The following LARS1 variants were observed in gnomAD, a reference collection of about 807,000 sequenced individuals.
The protein encoded by LARS1 is leucyl-tRNA synthetase 1, also known as leucine--tRNA ligase, cytoplasmic.
LARS1 carries 100 observed loss-of-function variants against 162.8 expected under a neutral mutation model. That is an observed-to-expected ratio of 0.61 (90% confidence interval 0.52 to 0.73). The LOEUF is 0.73. Among genes scored for constraint, LARS1 ranks in the 30% least tolerant of loss-of-function variants. The probability of loss-of-function intolerance (pLI) is 0.00; values close to 1 mark genes in which losing one functional copy is unlikely to be tolerated. For missense variants in LARS1, 1,258 were observed against 1,408.9 expected (o/e 0.89, Z 1.71); for synonymous variants, 457 against 462.8 (o/e 0.99, Z 0.16).
At chr5:146,161,444 G>C (rs1236055692) in intron 6 of LARS1, among the ~76,000 whole-genome samples, 2 of 152,118 alleles carry the variant, frequency 1.3e-5, no homozygotes, top group Non-Finnish European at 2.9e-5. Flanking sequence ...AAAACTGGGA[G>C]TGGGCCGGGC....
At chr5:146,174,587 CAT>C (rs58220245) in intron 2 of LARS1, among the ~76,000 whole-genome samples, 13,996 of 23,288 alleles carry the variant, frequency 0.6, 4,923 homozygotes, top group East Asian at 0.77. Flanking sequence ...TGTATATATC[CAT>C]ATATATATAT....
chr5:146,156,509 C>A (rs1253625928), intron 10 of LARS1, among the ~76,000 whole-genome samples: 1 of 152,004 alleles, frequency 6.6e-6, no homozygotes, highest in Non-Finnish European at 1.5e-5. Context: ...GCCTGGCCAA[C>A]ATGATGAAAC....
intron 23 of LARS1, 77 bp downstream of exon 23, chr5:146,132,821 A>T: frequency 1.3e-5 from 14 of 1,098,854 alleles, no homozygotes; most frequent in Non-Finnish European, 1.7e-5. Flanking sequence ...AAAAAAGAAA[A>T]GAAAAGAAAA....
chr5:146,173,246 T>C (rs1326190246), intron 2 of LARS1, among the ~76,000 whole-genome samples: 1 of 151,632 alleles, frequency 6.6e-6, no homozygotes, highest in African/African-American at 2.4e-5. Flanking sequence ...TGGTTAAGCA[T>C]GAGAATCAAG....
rs1284664157 is a variant in LARS1 at position 146,113,069 on chromosome 5, T to G, written c.*1037A>C. On this transcript the variant is annotated 3_prime_UTR_variant, in exon 32 of 32. Coordinates refer to ENST00000394434, the MANE Select transcript of LARS1 (RefSeq NM_020117.11). ...CATGACCTCTATTTTATTGATTGAT[T>G]GATGGATTGATTGAGACAGAGTTTC... The G allele has an allele frequency of 2.6e-5, 4 of 152,136 alleles. No homozygotes were observed. Among genetic ancestry groups the G allele is most frequent in the Non-Finnish European group, 4.4e-5 (3 of 68,032 alleles). The allele number at this position is 152,136 out of a possible 1,614,324, so 9.4% of individuals were successfully genotyped here.
intron 14 of LARS1, among the ~76,000 whole-genome samples, chr5:146,151,629 A>G (rs999152746): frequency 6.6e-6 from 1 of 152,158 alleles, no homozygotes; most frequent in South Asian, 2.1e-4. Context: ...CAAGAAATTC[A>G]CTCCATAGAG....
chr5:146,119,819 G>C (rs1047841611), intron 31 of LARS1, among the ~76,000 whole-genome samples: 1 of 152,158 alleles, frequency 6.6e-6, no homozygotes, highest in African/African-American at 2.4e-5. Flanking sequence ...TCCAGATCTA[G>C]AGTTTACTAG....
chr5:146,137,773 T>C, intron 21 of LARS1: 1 of 321,746 alleles, frequency 3.1e-6, no homozygotes, highest in Non-Finnish European at 6.2e-6. Flanking sequence ...AAGGCTGTGG[T>C]CCAAGGCCAT....
At chr5:146,120,033 G>T (rs1043511736) in intron 31 of LARS1, among the ~76,000 whole-genome samples, 2 of 152,024 alleles carry the variant, frequency 1.3e-5, no homozygotes, top group African/African-American at 4.8e-5. Flanking sequence ...GAATATTAAG[G>T]GTATGTGTTC....
chr5:146,120,030 A>G (rs1751748014), intron 31 of LARS1, among the ~76,000 whole-genome samples: 1 of 152,180 alleles, frequency 6.6e-6, no homozygotes, highest in Non-Finnish European at 1.5e-5. Context: ...TTAGAATATT[A>G]AGGGTATGTG....
chr5:146,163,677 C>T (rs1753876110), intron 6 of LARS1, among the ~76,000 whole-genome samples: 1 of 152,124 alleles, frequency 6.6e-6, no homozygotes, highest in South Asian at 2.1e-4. Flanking sequence ...CAGAGCGAGA[C>T]TCCATCTCAA....
intron 31 of LARS1, among the ~76,000 whole-genome samples, chr5:146,119,018 TATA>T (rs1242617458): frequency 6.6e-6 from 1 of 152,148 alleles, no homozygotes; most frequent in African/African-American, 2.4e-5. Context: ...CCTTTATGGG[TATA>T]ATGTTCAAGG....
At position 146,150,626 on chromosome 5, in the gene LARS1, C is replaced by CAAAAAAAAA. The variant is rs71581862; in HGVS notation, c.1426-936_1426-928dup. On this transcript the variant is annotated intron_variant, in intron 14 of 31. Transcript: ENST00000394434. ...TGGGCGACACAGCAAGACTCCGTCT[C>CAAAAAAAAA]AAAAAAAAAAAAAAAAAGAACACAA... Among the ~76,000 whole-genome samples the CAAAAAAAAA allele has an allele frequency of 8.3e-4, 57 of 68,726 alleles. 1 individual carries two copies. Among genetic ancestry groups the CAAAAAAAAA allele is most frequent in the Non-Finnish European group, 1.2e-3 (44 of 35,678 alleles). The allele number at this position is 68,726 out of a possible 152,430, so 45.1% of individuals were successfully genotyped here. A position where few individuals can be genotyped will look rare whatever the true frequency, so the allele number is the denominator to read the frequency against.
At position 146,159,656 on chromosome 5, in the gene LARS1, C is replaced by G. The variant is rs542390276; in HGVS notation, c.708-186G>C. Among the ~76,000 whole-genome samples, 6 of 152,176 alleles carry G rather than the reference C, an allele frequency of 3.9e-5. No homozygotes were observed. The South Asian group carries it at 8.3e-4, about 21-fold the overall frequency. On this transcript the variant is annotated intron_variant, in intron 7 of 31. Coordinates refer to ENST00000394434, the MANE Select transcript of LARS1 (RefSeq NM_020117.11). ...AACCTACTTATTTAATGAAAGCTTT[C>G]TATCTTCGTCAAAGGTAATACCACT...
chr5:146,164,271 CTTGT>C, intron 6 of LARS1, 35 bp downstream of exon 6: 5 of 1,580,248 alleles, frequency 3.2e-6, no homozygotes, highest in Middle Eastern at 1.7e-4. Context: ...AAAGCACATA[CTTGT>C]AAATGCTTTC....
chr5:146,167,154 C>G (rs1250883952), intron 5 of LARS1, among the ~76,000 whole-genome samples: 2 of 152,114 alleles, frequency 1.3e-5, no homozygotes. Context: ...AGTAAGGACA[C>G]ATGACAACTA....
chr5:146,125,269 A>T (rs555410654), intron 28 of LARS1, among the ~76,000 whole-genome samples: 1 of 152,086 alleles, frequency 6.6e-6, no homozygotes, highest in East Asian at 1.9e-4. Flanking sequence ...CAGGATTCTA[A>T]ATTACTTCTG....
rs748343914 is a variant in LARS1 at position 146,122,558 on chromosome 5, G to A, written c.3126C>T (p.Ser1042=). The change falls in exon 30 of 32, where the codon TCC becomes TCT. Residue 1042 remains serine (S), a synonymous_variant. Transcript: ENST00000394434. ...ELEHIEVKFA[S]EAEDKIREDC... ...CTTCCCTGATTTTATCTTCTGCTTC[G>A]GAGGCAAACTTGACTTCTATGTGTT... 3.7e-5 allele frequency: 60 copies of A among 1,608,902 alleles called. No individual in the cohort carries two copies. The highest frequency in any genetic ancestry group is 8.9e-5 in the East Asian group (4 of 44,734).
intron 5 of LARS1, among the ~76,000 whole-genome samples, chr5:146,165,946 AT>A (rs1293605617): frequency 2.0e-5 from 3 of 151,942 alleles, no homozygotes; most frequent in Non-Finnish European, 4.4e-5. Context: ...TGGTGCTAAA[AT>A]GGAGCCAGGG....
Sources: gnomAD v4.1 joint callset for allele counts (sites outside exome capture counted in the v4.1 genomes callset) on GRCh38, gnomAD v4.1.1 for gene constraint, MANE v1.5 for transcripts, NCBI Gene and HGNC (gene_info 2026-07-23, HGNC 2026-07-21) for gene names.